Variants in GPC5 observed in about 807,000 individuals in gnomAD.
GPC5 encodes glypican 5.
A neutral mutation model predicts 53.9 loss-of-function variants in GPC5; 47 were observed. That is an observed-to-expected ratio of 0.87 (90% CI 0.69 to 1.11). GPC5 has a LOEUF of 1.11. Among genes scored for constraint, GPC5 ranks in the 50% most tolerant of loss-of-function variants. The probability of loss-of-function intolerance (pLI) is 0.00; values close to 1 mark genes in which losing one functional copy is unlikely to be tolerated. For missense variants in GPC5, 748 were observed against 713.1 expected (o/e 1.05, Z -0.56); for synonymous variants, 286 against 263.3 (o/e 1.09, Z -0.84).
chr13:91,897,051 CT>C (rs2039449865), intron 5 of GPC5, among the ~76,000 whole-genome samples: 1 of 152,068 alleles, frequency 6.6e-6, no homozygotes, highest in Admixed American at 6.6e-5. Flanking sequence ...CTTCCTCCCC[CT>C]CCTCCTCCTT....
intron 1 of GPC5, among the ~76,000 whole-genome samples, chr13:91,404,565 T>C (rs989235677): frequency 6.6e-6 from 1 of 152,222 alleles, no homozygotes; most frequent in African/African-American, 2.4e-5. Flanking sequence ...TTTTAGTAAA[T>C]CTTCCATTTC....
chr13:92,468,579 T>C (rs1262454086), intron 7 of GPC5, among the ~76,000 whole-genome samples: 1 of 152,136 alleles, frequency 6.6e-6, no homozygotes, highest in Admixed American at 6.6e-5. Flanking sequence ...TTGGAAACTA[T>C]TTGTATTTAC....
intron 4 of GPC5, among the ~76,000 whole-genome samples, chr13:91,730,347 C>A (rs756491378): frequency 1.3e-5 from 2 of 152,130 alleles, no homozygotes; most frequent in Admixed American, 1.3e-4. Context: ...CAATGTAGCA[C>A]GAGTGGATGC....
chr13:91,661,780 G>T (rs1018445845), intron 2 of GPC5, among the ~76,000 whole-genome samples: 2 of 152,108 alleles, frequency 1.3e-5, no homozygotes, highest in African/African-American at 4.8e-5. Context: ...AGCCAGCATA[G>T]CCAGACTGGA....
At chr13:91,891,471 G>A (rs1289869564) in intron 5 of GPC5, among the ~76,000 whole-genome samples, 2 of 152,120 alleles carry the variant, frequency 1.3e-5, no homozygotes, top group African/African-American at 4.8e-5. Flanking sequence ...CTTCTATAAA[G>A]AGATAGCAAA....
intron 7 of GPC5, among the ~76,000 whole-genome samples, chr13:92,588,113 C>A (rs1273538303): frequency 6.6e-6 from 1 of 152,082 alleles, no homozygotes; most frequent in Non-Finnish European, 1.5e-5. Context: ...GTGTGATGTT[C>A]CCCTCCCTGT....
At chr13:92,595,781 A>AAAAAAAGAT (rs1482608528) in intron 7 of GPC5, among the ~76,000 whole-genome samples, 1 of 151,384 alleles carries the variant, frequency 6.6e-6, no homozygotes, top group Non-Finnish European at 1.5e-5. Flanking sequence ...AAAAAAAAAA[A>AAAAAAAGAT]AAAAAAGATA....
chr13:92,144,473 T>G (rs1227230285), intron 6 of GPC5, among the ~76,000 whole-genome samples: 1 of 152,178 alleles, frequency 6.6e-6, no homozygotes, highest in Non-Finnish European at 1.5e-5. Flanking sequence ...GCCAATATAC[T>G]ACAGAGGGAG....
intron 2 of GPC5, among the ~76,000 whole-genome samples, chr13:91,558,970 G>T (rs538778298): frequency 6.6e-6 from 1 of 151,960 alleles, no homozygotes; most frequent in African/African-American, 2.4e-5. Context: ...TTAATTTCTT[G>T]TTCATAATTC....
At chr13:91,866,406 GT>G (rs928241129) in intron 5 of GPC5, among the ~76,000 whole-genome samples, 1 of 152,070 alleles carries the variant, frequency 6.6e-6, no homozygotes, top group Non-Finnish European at 1.5e-5. Flanking sequence ...AGTAAAAGGT[GT>G]TTTTTTCCCA....
intron 7 of GPC5, among the ~76,000 whole-genome samples, chr13:92,743,151 A>T (rs930177629): frequency 6.6e-6 from 1 of 151,842 alleles, no homozygotes; most frequent in Non-Finnish European, 1.5e-5. Flanking sequence ...TAGGGATGGC[A>T]TTGAATCTCT....
At chr13:91,973,684 C>G (rs1380706156) in intron 6 of GPC5, among the ~76,000 whole-genome samples, 1 of 152,188 alleles carries the variant, frequency 6.6e-6, no homozygotes, top group Non-Finnish European at 1.5e-5. Context: ...TTCCTTCTAA[C>G]AGACAGGACC....
chr13:92,448,975 G>T (rs1461283631), intron 7 of GPC5: 1 of 149,484 alleles, frequency 6.7e-6, no homozygotes, highest in East Asian at 2.0e-4. Context: ...TAAGAATCAA[G>T]ATGGGTGATG....
chr13:91,586,700 C>T (rs920951368), intron 2 of GPC5, among the ~76,000 whole-genome samples: 5 of 148,792 alleles, frequency 3.4e-5, no homozygotes, highest in Non-Finnish European at 6.0e-5. Context: ...CAGCAGGTCC[C>T]TTTCTTGATA....
chr13:92,375,115 T>C (rs1383770772), intron 7 of GPC5, among the ~76,000 whole-genome samples: 1 of 152,180 alleles, frequency 6.6e-6, no homozygotes, highest in Non-Finnish European at 1.5e-5. Flanking sequence ...AGATCAAAGG[T>C]AGATAATTAA....
chr13:91,905,053 C>G (rs1381050869), intron 5 of GPC5, among the ~76,000 whole-genome samples: 1 of 152,036 alleles, frequency 6.6e-6, no homozygotes, highest in African/African-American at 2.4e-5. Flanking sequence ...CTATGAGTTT[C>G]TTATTCATGG....
chr13:91,907,030 A>G (rs2039560424), intron 5 of GPC5, among the ~76,000 whole-genome samples: 1 of 149,782 alleles, frequency 6.7e-6, no homozygotes, highest in South Asian at 2.1e-4. Context: ...TCTGCTTGGA[A>G]TACTGGAAGA....
At chr13:91,645,182 G>C (rs1022887828) in intron 2 of GPC5, among the ~76,000 whole-genome samples, 4 of 152,036 alleles carry the variant, frequency 2.6e-5, no homozygotes, top group African/African-American at 9.7e-5. Flanking sequence ...GGTACTTCAG[G>C]GACTCAAATT....
chr13:91,677,398 G>A (rs994061548), intron 2 of GPC5, among the ~76,000 whole-genome samples: 1 of 152,150 alleles, frequency 6.6e-6, no homozygotes, highest in African/African-American at 2.4e-5. Context: ...TATGGAATTT[G>A]GTGCCTTAGC....
Sources: gnomAD v4.1 joint callset for allele counts (sites outside exome capture counted in the v4.1 genomes callset) on GRCh38, gnomAD v4.1.1 for gene constraint, MANE v1.5 for transcripts, NCBI Gene and HGNC (gene_info 2026-07-23, HGNC 2026-07-21) for gene names.